NCAM2: variants seen among roughly 807,000 people sequenced by gnomAD.
The protein encoded by NCAM2 is neural cell adhesion molecule 2.
In NCAM2, 30 loss-of-function variants were observed where a neutral mutation model predicts 98.1. That is an observed-to-expected ratio of 0.31 (90% CI 0.23 to 0.41). The LOEUF (loss-of-function observed/expected upper bound fraction) is 0.41, where lower values mean the gene tolerates loss of function less well. Ranked by LOEUF, NCAM2 falls within the 10% of genes least tolerant of loss-of-function variation. The pLI is 1.00. For synonymous variants in NCAM2, 368 were observed against 342.4 expected (o/e 1.07, Z -0.83); for missense variants, 867 against 1,005.8 (o/e 0.86, Z 1.87).
chr21:21,147,416 T>A (rs2067311827), intron 1 of NCAM2, among the ~76,000 whole-genome samples: 1 of 151,902 alleles, frequency 6.6e-6, no homozygotes, highest in African/African-American at 2.4e-5. Flanking sequence ...TTCATTTAAT[T>A]TTTTATTTTT....
chr21:21,322,305 A>G (rs139943069), intron 5 of NCAM2, among the ~76,000 whole-genome samples: 130 of 152,230 alleles, frequency 8.5e-4, no homozygotes, highest in Middle Eastern at 3.4e-3. Context: ...CTACTAGAGA[A>G]GGGAAAGAGG....
chr21:21,148,883 T>C (rs947571847), intron 1 of NCAM2, among the ~76,000 whole-genome samples: 2 of 152,142 alleles, frequency 1.3e-5, no homozygotes, highest in African/African-American at 4.8e-5. Flanking sequence ...TCATACCATA[T>C]TTACTAAAAT....
chr21:21,466,291 T>G (rs76014949), intron 12 of NCAM2, among the ~76,000 whole-genome samples: 4,807 of 152,060 alleles, frequency 0.032, 266 homozygotes, highest in African/African-American at 0.11. Flanking sequence ...TTAGCATCAT[T>G]AACATCATTC....
intron 15 of NCAM2, among the ~76,000 whole-genome samples, chr21:21,497,528 G>A (rs764104796): frequency 3.9e-5 from 6 of 152,070 alleles, no homozygotes; most frequent in Non-Finnish European, 1.5e-5. Flanking sequence ...CCTTTTTACT[G>A]TTCCGAATCC....
At chr21:21,248,776 C>CAAAAAAAAAAA (rs1171857115) in intron 1 of NCAM2, among the ~76,000 whole-genome samples, 5 of 50,680 alleles carry the variant, frequency 9.9e-5, no homozygotes, top group Admixed American at 7.9e-4. Context: ...GACTCTGTCT[C>CAAAAAAAAAAA]AAAAAAAAAA....
intron 9 of NCAM2, among the ~76,000 whole-genome samples, chr21:21,404,501 T>G (rs1427004767): frequency 1.2e-4 from 18 of 152,150 alleles, no homozygotes; most frequent in Non-Finnish European, 1.5e-5. Context: ...CTGCCACGAC[T>G]GTGAGGCCTC....
At chr21:21,034,921 A>C (rs951777526) in intron 1 of NCAM2, among the ~76,000 whole-genome samples, 3 of 152,316 alleles carry the variant, frequency 2.0e-5, no homozygotes, top group Admixed American at 6.5e-5. Flanking sequence ...ACTTTTCATA[A>C]GAAATCTCAG....
At chr21:21,379,952 A>G (rs2076116026) in intron 9 of NCAM2, among the ~76,000 whole-genome samples, 1 of 152,142 alleles carries the variant, frequency 6.6e-6, no homozygotes, top group Admixed American at 6.6e-5. Flanking sequence ...GTTCGAGGAC[A>G]GGAGGCATCC....
chr21:21,534,179 G>A (rs995393029), intron 16 of NCAM2, among the ~76,000 whole-genome samples: 6 of 151,792 alleles, frequency 4.0e-5, no homozygotes, highest in Non-Finnish European at 5.9e-5. Flanking sequence ...AATGTGGCTA[G>A]TTAGAGGAAA....
At chr21:21,526,340 CA>C (rs1989323315) in intron 16 of NCAM2, among the ~76,000 whole-genome samples, 1 of 151,872 alleles carries the variant, frequency 6.6e-6, no homozygotes, top group Non-Finnish European at 1.5e-5. Flanking sequence ...CAGCAATAAA[CA>C]AGTGAAATTT....
Position 21,042,000 on chromosome 21 carries a change from T to C in NCAM2, c.55+43382T>C, listed in dbSNP as rs537786641. 3.3e-5 allele frequency among the ~76,000 whole-genome samples: 5 copies of C among 152,308 alleles called. No individual in the cohort carries two copies. The East Asian group carries it at 9.7e-4, about 29-fold the overall frequency. On this transcript the variant is annotated intron_variant, in intron 1 of 17. Transcript: ENST00000400546. Reference sequence around the variant, plus strand: ...ACAGGTTGAATGACGATGCCAACTTTCGTTAATTTTAAGTGCAGTAGAACC... The same window carrying C: ...ACAGGTTGAATGACGATGCCAACTTCCGTTAATTTTAAGTGCAGTAGAACC...
intron 8 of NCAM2, among the ~76,000 whole-genome samples, chr21:21,358,247 C>T (rs1321794153): frequency 6.6e-6 from 1 of 152,066 alleles, no homozygotes; most frequent in East Asian, 1.9e-4. Context: ...GTGGGACTAA[C>T]TCACTTTTGT....
intron 1 of NCAM2, among the ~76,000 whole-genome samples, chr21:21,243,031 G>T (rs921137845): frequency 6.6e-3 from 2 of 302 alleles, no homozygotes; most frequent in African/African-American, 0.029. Flanking sequence ...TTCAGCTAAG[G>T]TTTCATAAAA....
chr21:21,137,835 T>A (rs1221475043), intron 1 of NCAM2, among the ~76,000 whole-genome samples: 1 of 136,030 alleles, frequency 7.4e-6, no homozygotes, highest in Non-Finnish European at 1.6e-5. Flanking sequence ...AAAGCAGTCG[T>A]CACTTCATTT....
At chr21:21,268,373 C>G (rs528349819) in intron 1 of NCAM2, among the ~76,000 whole-genome samples, 1 of 152,022 alleles carries the variant, frequency 6.6e-6, no homozygotes, top group East Asian at 2.0e-4. Flanking sequence ...CAAGAATTAC[C>G]CAACAACATG....
intron 5 of NCAM2, among the ~76,000 whole-genome samples, chr21:21,321,557 A>G (rs1348252462): frequency 6.6e-6 from 1 of 152,148 alleles, no homozygotes; most frequent in Non-Finnish European, 1.5e-5. Context: ...GAGGCGTTAC[A>G]TTTAACCCTT....
intron 9 of NCAM2, among the ~76,000 whole-genome samples, chr21:21,392,707 T>C (rs1051446682): frequency 2.6e-5 from 4 of 152,200 alleles, no homozygotes; most frequent in Non-Finnish European, 4.4e-5. Context: ...ATCAGTGATA[T>C]TGAGCTTTTT....
At chr21:21,370,111 C>T (rs1249504764) in intron 8 of NCAM2, among the ~76,000 whole-genome samples, 1 of 151,774 alleles carries the variant, frequency 6.6e-6, no homozygotes, top group Admixed American at 6.6e-5. Flanking sequence ...CAGTACAGTT[C>T]CTGACTTATC....
intron 1 of NCAM2, among the ~76,000 whole-genome samples, chr21:21,254,410 G>GCCTGCAAT (rs2071586113): frequency 6.6e-6 from 1 of 152,134 alleles, no homozygotes; most frequent in African/African-American, 2.4e-5. Context: ...TAGGTCAATT[G>GCCTGCAAT]CCTGCAATAG....
Sources: gnomAD v4.1 joint callset for allele counts (sites outside exome capture counted in the v4.1 genomes callset) on GRCh38, gnomAD v4.1.1 for gene constraint, MANE v1.5 for transcripts, NCBI Gene and HGNC (gene_info 2026-07-23, HGNC 2026-07-21) for gene names.